COL6A5: variants seen among roughly 807,000 people sequenced by gnomAD.
COL6A5 encodes the protein collagen type VI alpha 5 chain.
A neutral mutation model predicts 65.6 loss-of-function variants in COL6A5; 48 were observed. The ratio of observed to expected loss-of-function variants is 0.73; its 90% confidence interval spans 0.58 to 0.93. The LOEUF (loss-of-function observed/expected upper bound fraction) is 0.93, where lower values mean the gene tolerates loss of function less well. COL6A5 is among the 40% of genes least tolerant of loss of function. The probability of loss-of-function intolerance (pLI) is 0.00; values close to 1 mark genes in which losing one functional copy is unlikely to be tolerated. For synonymous variants in COL6A5, 291 were observed against 322.8 expected, an observed-to-expected ratio of 0.90 and a Z score of 1.05; for missense variants, 914 against 928.3, an observed-to-expected ratio of 0.98 and a Z score of 0.20.
intron 7 of COL6A5, among the ~76,000 whole-genome samples, chr3:130,392,301 T>C (rs968538425): frequency 5.3e-5 from 8 of 151,868 alleles, no homozygotes; most frequent in African/African-American, 1.9e-4. Flanking sequence ...GATATGAGAG[T>C]TGAACGTAGG....
rs1298420724 is a variant in COL6A5 at position 130,405,953 on chromosome 3, G to C, written c.4354-40G>C. 3 of 1,546,088 alleles carry C rather than the reference G, an allele frequency of 1.9e-6. No individual in the cohort carries two copies. In the Admixed American group the frequency reaches 5.9e-5, roughly 30 times the overall value. On this transcript the variant is annotated intron_variant and NMD_transcript_variant, in intron 14 of 41. Transcript: ENST00000312481. ...GAGGCAGTCTTTGAATCCACACTCT[G>C]TCTTTGATTTGTCAGTGAGAGATAT...
exon 4 of COL6A5, chr3:130,380,031 A>G: frequency 6.6e-7 from 1 of 1,526,316 alleles, no homozygotes; most frequent in Non-Finnish European, 8.8e-7. Context: ...ATGCTGAACA[A>G]AGGAATCTTG....
chr3:130,482,457 A>G (rs1041262533), intron 7 of COL6A5, among the ~76,000 whole-genome samples: 1 of 152,132 alleles, frequency 6.6e-6, no homozygotes, highest in Non-Finnish European at 1.5e-5. Context: ...GCCTTGTAGT[A>G]TAGTTTGAAG....
intron 6 of COL6A5, among the ~76,000 whole-genome samples, 168 bp from the exon 39 acceptor site, chr3:130,470,701 CTT>C (rs1709929111): frequency 6.6e-6 from 1 of 151,996 alleles, no homozygotes. Flanking sequence ...ATCTTCTTGA[CTT>C]TGCCAAGAAC....
intron 5 of COL6A5, 75 bp downstream of exon 5, chr3:130,385,439 C>G: frequency 1.4e-6 from 2 of 1,417,616 alleles, no homozygotes; most frequent in Non-Finnish European, 1.9e-6. Context: ...CAGGCTGAGA[C>G]AAGGCCTGAT....
chr3:130,379,388 C>T (rs1295582794), intron 3 of COL6A5, 30 bp from the exon 4 acceptor site: 1 of 1,534,086 alleles, frequency 6.5e-7, no homozygotes, highest in Non-Finnish European at 8.8e-7. Context: ...GTGGTTTATA[C>T]TAATCCTCAC....
At chr3:130,375,270 C>A (rs1935722357) in intron 2 of COL6A5, among the ~76,000 whole-genome samples, 1 of 152,162 alleles carries the variant, frequency 6.6e-6, no homozygotes, top group African/African-American at 2.4e-5. Flanking sequence ...CAACCTTCTG[C>A]TCCTTCTCTC....
intron 4 of COL6A5, among the ~76,000 whole-genome samples, chr3:130,452,733 C>T (rs1175109519): frequency 2.6e-5 from 4 of 152,106 alleles, no homozygotes; most frequent in African/African-American, 7.2e-5. Context: ...ACTGGTCTGA[C>T]CAAATTTATT....
chr3:130,462,948 C>G (rs776557436), intron 5 of COL6A5, among the ~76,000 whole-genome samples: 25 of 152,062 alleles, frequency 1.6e-4, no homozygotes, highest in Non-Finnish European at 3.2e-4. Context: ...CAAATCCTGC[C>G]TCTACCACTT....
intron 1 of COL6A5, among the ~76,000 whole-genome samples, chr3:130,367,741 G>GAT (rs367615452): frequency 2.0e-4 from 30 of 152,212 alleles, no homozygotes; most frequent in Middle Eastern, 6.8e-3. Flanking sequence ...CATATGTGTG[G>GAT]ATATATATAT....
intron 5 of COL6A5, among the ~76,000 whole-genome samples, chr3:130,466,380 G>A (rs994048701): frequency 1.3e-5 from 2 of 151,676 alleles, no homozygotes; most frequent in African/African-American, 4.8e-5. Context: ...CATGGTCAAA[G>A]AATAAATAAA....
exon 1 of COL6A5, chr3:130,345,843 G>C: frequency 2.5e-6 from 1 of 397,754 alleles, no homozygotes. Flanking sequence ...CAGGGCTTCC[G>C]GCGCGCGCTC....
intron 4 of COL6A5, among the ~76,000 whole-genome samples, chr3:130,443,803 C>T (rs1372484069): frequency 6.6e-6 from 1 of 152,034 alleles, no homozygotes; most frequent in Non-Finnish European, 1.5e-5. Context: ...TCAGAAATTC[C>T]TGTATTGAAA....
Position 130,415,550 on chromosome 3 carries a change from G to C in COL6A5, c.4762-95G>C. ...GGTTAAAAGGCTGTGGGAAGGGCTG[G>C]ACCATTGCTTTTCTGCAGGGTGTTT... On this transcript the variant is annotated intron_variant and NMD_transcript_variant, in intron 22 of 41. Transcript: ENST00000312481. The C allele has an allele frequency of 2.6e-6, 3 of 1,149,266 alleles. No individual in the cohort carries two copies. In the Admixed American group the frequency reaches 6.7e-5, roughly 25 times the overall value. The allele number at this position is 1,149,266 out of a possible 1,614,324, so 71.2% of individuals were successfully genotyped here. A position where few individuals can be genotyped will look rare whatever the true frequency, so the allele number is the denominator to read the frequency against.
chr3:130,431,815 G>C, exon 1 of COL6A5: 1 of 1,551,638 alleles, frequency 6.4e-7, no homozygotes, highest in Non-Finnish European at 8.7e-7. Flanking sequence ...CGTGAGGAGA[G>C]TTGCTGTGTT....
At chr3:130,381,258 G>A (rs909744899) in intron 4 of COL6A5, among the ~76,000 whole-genome samples, 1 of 152,094 alleles carries the variant, frequency 6.6e-6, no homozygotes, top group African/African-American at 2.4e-5. Flanking sequence ...GAGATAACTA[G>A]TAATATCTGC....
At position 130,469,253 on chromosome 3, in the gene COL6A5, GA is replaced by G; in HGVS notation, c.2006del (p.Thr670ProfsTer4). The G allele has an allele frequency of 6.2e-7, 1 of 1,613,036 alleles. No individual in the cohort carries two copies. The highest frequency in any genetic ancestry group is 8.5e-7 in the Non-Finnish European group (1 of 1,179,408). On this transcript the variant is annotated frameshift_variant, in exon 6 of 8. Transcript: ENST00000512836. LOFTEE classifies it high-confidence loss of function. ...AGTTATCTTTGTAATATCTGCTGGCGAAACCAACTCTTTAGACAAAGACGTC... is the reference window on the plus strand; with the variant it reads ...AGTTATCTTTGTAATATCTGCTGGCGAACCAACTCTTTAGACAAAGACGTC...
intron 4 of COL6A5, among the ~76,000 whole-genome samples, chr3:130,381,457 C>T (rs535697495): frequency 6.6e-6 from 1 of 152,100 alleles, no homozygotes; most frequent in South Asian, 2.1e-4. Context: ...GCAGGGACAT[C>T]CTTTTACCTG....
intron 7 of COL6A5, chr3:130,471,737 T>C: frequency 1.3e-6 from 2 of 1,534,716 alleles, no homozygotes; most frequent in East Asian, 2.4e-5. Context: ...GTTTGATGAA[T>C]TTGATTCCCA....
Sources: allele counts gnomAD v4.1 joint callset (sites outside exome capture counted in the v4.1 genomes callset), GRCh38; gene constraint gnomAD v4.1.1; transcripts MANE v1.5; gene names NCBI Gene and HGNC (gene_info 2026-07-23, HGNC 2026-07-21).